WDR73: variants seen among roughly 807,000 people sequenced by gnomAD.
WDR73 encodes WD repeat domain 73.
A neutral mutation model predicts 38.2 loss-of-function variants in WDR73; 30 were observed. The ratio of observed to expected loss-of-function variants is 0.79; its 90% CI spans 0.59 to 1.06. The LOEUF (loss-of-function observed/expected upper bound fraction) is 1.06, where lower values mean the gene tolerates loss of function less well. Ranked by LOEUF, WDR73 falls within the 50% of genes least tolerant of loss-of-function variation. The probability of loss-of-function intolerance (pLI) is 0.00; values close to 1 mark genes in which losing one functional copy is unlikely to be tolerated. For missense variants in WDR73, 487 were observed against 467.0 expected (o/e 1.04, Z -0.40); for synonymous variants, 197 against 176.0 (o/e 1.12, Z -0.94).
At chr15:84,651,133 A>T (rs1896611045) in intron 3 of WDR73, among the ~76,000 whole-genome samples, 1 of 149,482 alleles carries the variant, frequency 6.7e-6, no homozygotes, top group Non-Finnish European at 1.5e-5. Flanking sequence ...AATTTTTTTA[A>T]GAAGTTTGGG....
In WDR73 at chr15:84,652,448, G is replaced by A. The variant is rs151188061; in HGVS notation, c.198+266C>T. Among the ~76,000 whole-genome samples the A allele has an allele frequency of 1.4e-3, 211 of 152,098 alleles. 1 individual carries two copies. The highest frequency in any genetic ancestry group is 3.3e-3 in the South Asian group (16 of 4,806). On this transcript the variant is annotated intron_variant, in intron 3 of 7. Transcript: ENST00000434634. Reference sequence around the variant, plus strand: ...TTTAATCACTCTACGCATTTCGACCGCCCTCTATATCCTTAATCGCTCCCT... The same window carrying A: ...TTTAATCACTCTACGCATTTCGACCACCCTCTATATCCTTAATCGCTCCCT...
rs770924229 is a variant in WDR73 at position 84,642,896 on chromosome 15, C to T, written c.*574G>A. On this transcript the variant is annotated 3_prime_UTR_variant, in exon 8 of 8. Transcript: ENST00000434634. Reference sequence around the variant, plus strand: ...GATTACAGGCATGAGCCACCATGTCCAGCACACTTTAATATTCACTATGGG... The same window carrying T: ...GATTACAGGCATGAGCCACCATGTCTAGCACACTTTAATATTCACTATGGG... The T allele has an allele frequency of 6.5e-6, 1 of 153,966 alleles. No homozygotes were observed. The highest frequency in any genetic ancestry group is 6.4e-5 in the Admixed American group (1 of 15,554). 9.5% of individuals were successfully genotyped at this position (153,966 alleles called of 1,614,324 possible).
chr15:84,646,308 T>C lies in WDR73; in HGVS notation c.393A>G (p.Lys131=). The change falls in exon 6 of 8, where the codon AAA becomes AAG. Residue 131 remains lysine, a synonymous_variant. Coordinates refer to ENST00000434634, the MANE Select transcript of WDR73 (RefSeq NM_032856.5). ...KAVSTIAVHE[K]EESLWPRVAV... The stretch of plus-strand genomic sequence containing the variant: ...CCACCCTAGGCCAGAGACTCTCCTC[T>C]TTCTCATGCACAGCAATGGTGCTGA... 6.2e-7 allele frequency: 1 copy of C among 1,613,930 alleles called. No homozygotes were observed. The highest frequency in any genetic ancestry group is 1.3e-5 in the African/African-American group (1 of 75,052).
At position 84,640,099 on chromosome 15, in the gene WDR73, G is replaced by GAT. The variant is rs545999483; in HGVS notation, c.*3370_*3371insAT. The GAT allele has an allele frequency of 3.3e-5, 5 of 152,280 alleles. No homozygotes were observed. In the South Asian group the frequency reaches 1.0e-3, roughly 32 times the overall value. The allele number at this position is 152,280 out of a possible 1,614,324, so 9.4% of individuals were successfully genotyped here. A position where few individuals can be genotyped will look rare whatever the true frequency, so the allele number is the denominator to read the frequency against. ...CTAGAAGATGTGGCGGGATGGTAATGAAATAGTGGAGGAGTCTCAAGAGGA... is the reference window on the plus strand; with the variant it reads ...CTAGAAGATGTGGCGGGATGGTAATGATAAATAGTGGAGGAGTCTCAAGAGGA... On this transcript the variant is annotated 3_prime_UTR_variant, in exon 8 of 8. Transcript: ENST00000434634.
rs1016902512 is a variant in WDR73, at chr15:84,640,694, T to G, written c.*2776A>C. The G allele has an allele frequency of 6.6e-6, 1 of 152,190 alleles. No individual in the cohort carries two copies. Among genetic ancestry groups the G allele is most frequent in the Non-Finnish European group, 1.5e-5 (1 of 68,038 alleles). 9.4% of individuals were successfully genotyped at this position (152,190 alleles called of 1,614,324 possible). A position where few individuals can be genotyped will look rare whatever the true frequency, so the allele number is the denominator to read the frequency against. On this transcript the variant is annotated 3_prime_UTR_variant, in exon 8 of 8. Coordinates refer to ENST00000434634, the MANE Select transcript of WDR73 (RefSeq NM_032856.5). ...CTGGGCGACAGAGTGAGACCCAGAC[T>G]CAGCTGAAAAATAATAATATTATTA...
At chr15:84,644,019 G>A (rs770845023) in intron 7 of WDR73, 32 of 315,608 alleles carry the variant, frequency 1.0e-4, no homozygotes, top group African/African-American at 2.0e-4. Context: ...AGTGTTGGCA[G>A]CTGATGACTC....
chr15:84,654,082 T>G (rs1896713072), intron 1 of WDR73, 152 bp downstream of exon 1: 10 of 1,016,792 alleles, frequency 9.8e-6, no homozygotes, highest in African/African-American at 1.6e-5. Context: ...GATGGGGGCC[T>G]AGGCCCAGGC....
rs1485205490 is a variant in WDR73, at chr15:84,643,740, G to T, written c.884-17C>A. ...CATCAAAACCTGAGAATACAGAAAAGAGAGGCTTGACAATGAGTCCCTAAT... is the reference window on the plus strand; with the variant it reads ...CATCAAAACCTGAGAATACAGAAAATAGAGGCTTGACAATGAGTCCCTAAT... On this transcript the variant is annotated splice_polypyrimidine_tract_variant and intron_variant, in intron 7 of 7. Coordinates refer to ENST00000434634, the MANE Select transcript of WDR73 (RefSeq NM_032856.5). The T allele has an allele frequency of 3.7e-6, 6 of 1,601,878 alleles. No homozygotes were observed. The South Asian group carries it at 6.8e-5, about 18-fold the overall frequency.
rs181150017 is a variant in WDR73, at chr15:84,640,278, C to A, written c.*3192G>T. On this transcript the variant is annotated 3_prime_UTR_variant, in exon 8 of 8. Coordinates refer to ENST00000434634, the MANE Select transcript of WDR73 (RefSeq NM_032856.5). ...GATTATTGTCCTGGCTCTGTTATGA[C>A]TAATTTGGGTCTGGAATGGCCTCAT... 27 of 152,306 alleles carry A rather than the reference C, an allele frequency of 1.8e-4. No individual in the cohort carries two copies. Among genetic ancestry groups the A allele is most frequent in the African/African-American group, 5.1e-4 (21 of 41,548 alleles). 9.4% of individuals were successfully genotyped at this position (152,306 alleles called of 1,614,324 possible). A position where few individuals can be genotyped will look rare whatever the true frequency, so the allele number is the denominator to read the frequency against.
chr15:84,646,126 T>C (rs763603175), intron 6 of WDR73, 58 bp downstream of exon 6: 1 of 1,609,462 alleles, frequency 6.2e-7, no homozygotes, highest in Middle Eastern at 1.7e-4. Flanking sequence ...AGTGGCTGAG[T>C]TGGGCTGGGG....
chr15:84,643,399 C>A lies in WDR73; in HGVS notation c.*71G>T. On this transcript the variant is annotated 3_prime_UTR_variant, in exon 8 of 8. Coordinates refer to ENST00000434634, the MANE Select transcript of WDR73 (RefSeq NM_032856.5). ...AACAGGGACTGGTAGTCACTTGAGT[C>A]CTACATGAGCACCCTTGCTACTACA... 6.6e-7 allele frequency: 1 copy of A among 1,513,340 alleles called. No individual in the cohort carries two copies. Among genetic ancestry groups the A allele is most frequent in the South Asian group, 1.3e-5 (1 of 77,494 alleles). The allele number at this position is 1,513,340 out of a possible 1,614,324, so 93.7% of individuals were successfully genotyped here.
rs1467529001 is a variant in WDR73 at position 84,643,161 on chromosome 15, C to G, written c.*309G>C. 4 of 280,216 alleles carry G rather than the reference C, an allele frequency of 1.4e-5. No homozygotes were observed. The highest frequency in any genetic ancestry group is 2.7e-5 in the Non-Finnish European group (4 of 150,670). 17.4% of individuals were successfully genotyped at this position (280,216 alleles called of 1,614,324 possible). ...CAAAGCATGTTTATATTTGTTAGCTCTTTTGATTCTCCCTATGATAGTGTG... is the reference window on the plus strand; with the variant it reads ...CAAAGCATGTTTATATTTGTTAGCTGTTTTGATTCTCCCTATGATAGTGTG... On this transcript the variant is annotated 3_prime_UTR_variant, in exon 8 of 8. Transcript: ENST00000434634.
In WDR73 at chr15:84,642,094, C is replaced by G. The variant is rs1896275840; in HGVS notation, c.*1376G>C. ...CGGTGGCTCACACCTGTAATCCCAG[C>G]TCTTCGGGAGGCCGAGGTGGGTAGA... On this transcript the variant is annotated 3_prime_UTR_variant, in exon 8 of 8. Transcript: ENST00000434634. 1 of 152,160 alleles carries G rather than the reference C, an allele frequency of 6.6e-6. No homozygotes were observed. The highest frequency in any genetic ancestry group is 2.1e-4 in the South Asian group (1 of 4,826). 9.4% of individuals were successfully genotyped at this position (152,160 alleles called of 1,614,324 possible).
At chr15:84,644,939 CTT>C (rs66834221) in intron 7 of WDR73, 4,600 of 139,174 alleles carry the variant, frequency 0.033, 232 homozygotes, top group African/African-American at 0.11. Context: ...GTCCCTGCTG[CTT>C]TTTTTTTTTT....
At chr15:84,647,989 G>A (rs1243739012) in intron 4 of WDR73, 35 bp from the exon 5 acceptor site, 2 of 1,603,156 alleles carry the variant, frequency 1.2e-6, no homozygotes, top group Non-Finnish European at 1.7e-6. Flanking sequence ...CCAGACCATG[G>A]GGAGCTTATC....
chr15:84,648,681 G>A (rs1246658402), intron 3 of WDR73, 56 bp from the exon 4 acceptor site: 19 of 1,401,700 alleles, frequency 1.4e-5, no homozygotes, highest in Non-Finnish European at 1.8e-5. Context: ...ACATTTCAGA[G>A]GAACTCTAAG....
At chr15:84,645,390 C>T in intron 7 of WDR73, 81 bp downstream of exon 7, 3 of 1,579,086 alleles carry the variant, frequency 1.9e-6, no homozygotes, top group South Asian at 2.3e-5. Context: ...TATCATGGTG[C>T]TGGAGGCTCC....
At chr15:84,648,046 C>A in intron 4 of WDR73, 92 bp from the exon 5 acceptor site, 3 of 1,060,168 alleles carry the variant, frequency 2.8e-6, no homozygotes, top group African/African-American at 1.6e-5. Context: ...TGGGACTCCA[C>A]TTCCCATATC....
intron 1 of WDR73, 71 bp from the exon 2 acceptor site, chr15:84,653,770 C>T: frequency 1.6e-6 from 2 of 1,274,178 alleles, no homozygotes; most frequent in Non-Finnish European, 2.2e-6. Flanking sequence ...AGATGGCAGC[C>T]GCATGGTTCA....
Sources: gnomAD v4.1 joint callset for allele counts (sites outside exome capture counted in the v4.1 genomes callset) on GRCh38, gnomAD v4.1.1 for gene constraint, MANE v1.5 for transcripts, NCBI Gene and HGNC (gene_info 2026-07-23, HGNC 2026-07-21) for gene names.